CFAP36: variants seen among roughly 807,000 people sequenced by gnomAD.
The protein encoded by CFAP36 is cilia- and flagella-associated protein 36.
In CFAP36, 37 loss-of-function variants were observed where a neutral mutation model predicts 50.5. That is an observed-to-expected ratio of 0.73 (90% CI 0.56 to 0.96). The LOEUF (loss-of-function observed/expected upper bound fraction) is 0.96. Ranked by LOEUF, CFAP36 falls within the 50% of genes least tolerant of loss-of-function variation. The pLI is 0.00. For missense variants in CFAP36, 407 were observed against 396.2 expected (o/e 1.03, Z -0.23); for synonymous variants, 138 against 128.2 (o/e 1.08, Z -0.52).
chr2:55,544,067 C>A lies in CFAP36; in HGVS notation c.770C>A (p.Pro257Gln), dbSNP rs1326204507. 2 of 1,613,466 alleles carry A rather than the reference C, an allele frequency of 1.2e-6. No individual in the cohort carries two copies. The highest frequency in any genetic ancestry group is 8.5e-7 in the Non-Finnish European group (1 of 1,179,842). The change falls in exon 8 of 10, where the codon CCA becomes CAA. Residue 257 changes from proline to glutamine, a missense_variant. Pro to Gln is a moderately conservative substitution (Grantham distance 76). Coordinates refer to ENST00000349456, the MANE Select transcript of CFAP36 (RefSeq NM_080667.7). ...PGLEHASIEG[P>Q]IANLSVLGTE... ...TTAGAGCATGCGAGCATTGAAGGACCAATAGCAGTAAGTAAACGACATCAC... is the reference window on the plus strand; with the variant it reads ...TTAGAGCATGCGAGCATTGAAGGACAAATAGCAGTAAGTAAACGACATCAC...
At chr2:55,520,048 C>T in intron 1 of CFAP36, 132 bp downstream of exon 1, 2 of 744,994 alleles carry the variant, frequency 2.7e-6, no homozygotes, top group Non-Finnish European at 4.5e-6. Flanking sequence ...AGGTCTCGTT[C>T]CCCTCACCAC....
chr2:55,520,026 A>G (rs1331253687), intron 1 of CFAP36, 110 bp downstream of exon 1: 2 of 945,212 alleles, frequency 2.1e-6, no homozygotes, highest in Non-Finnish European at 3.2e-6. Context: ...CCCTGTCTCC[A>G]CCCCTGTCGC....
chr2:55,542,713 T>C (rs923118065), intron 7 of CFAP36, among the ~76,000 whole-genome samples: 6 of 152,322 alleles, frequency 3.9e-5, no homozygotes, highest in African/African-American at 1.4e-4. Context: ...TATGTATGGG[T>C]TCCCCCCTCC....
chr2:55,526,487 G>A (rs1250450923), intron 3 of CFAP36, among the ~76,000 whole-genome samples: 5 of 152,138 alleles, frequency 3.3e-5, no homozygotes, highest in Admixed American at 3.3e-4. Context: ...TGCCACCCTG[G>A]CTGGACTGCA....
Position 55,537,477 on chromosome 2 carries a change from C to T in CFAP36, c.538-6C>T. The T allele has an allele frequency of 1.3e-6, 2 of 1,590,482 alleles. No homozygotes were observed. The highest frequency in any genetic ancestry group is 1.8e-5 in the Admixed American group (1 of 56,404). On this transcript the variant is annotated splice_region_variant and splice_polypyrimidine_tract_variant and intron_variant, in intron 6 of 9. Coordinates refer to ENST00000349456, the MANE Select transcript of CFAP36 (RefSeq NM_080667.7). ...TTTTAAAAAATTGTATTATGGAATC[C>T]TGAAGTTATCAGAGGCTAAAACAGA...
intron 6 of CFAP36, chr2:55,535,981 T>C: frequency 1.1e-6 from 1 of 910,874 alleles, no homozygotes; most frequent in Non-Finnish European, 1.5e-6. Flanking sequence ...CTTAACTGTA[T>C]ATAGTACAAA....
At chr2:55,541,095 G>A (rs2103668002) in intron 7 of CFAP36, among the ~76,000 whole-genome samples, 1 of 152,298 alleles carries the variant, frequency 6.6e-6, no homozygotes, top group East Asian at 1.9e-4. Flanking sequence ...AGGCCGAGGT[G>A]GTGGATCACT....
Position 55,544,369 on chromosome 2 carries a change from G to C in CFAP36, c.927G>C (p.Glu309Asp). 1 of 1,607,840 alleles carries C rather than the reference G, an allele frequency of 6.2e-7. No individual in the cohort carries two copies. Among genetic ancestry groups the C allele is most frequent in the Non-Finnish European group, 8.5e-7 (1 of 1,178,180 alleles). The change falls in exon 9 of 10, where the codon GAG (glutamate) becomes GAC (aspartate). Residue 309 changes from glutamate (E) to aspartate (D), a missense_variant and splice_region_variant. Glu to Asp is a conservative substitution (Grantham distance 45). Transcript: ENST00000349456. ...EQKGKPTGEV[E>D]EMTEKPEMTA... Reference sequence around the variant, plus strand: ...AAGGAAAACCCACTGGGGAGGTAGAGGTATGGCTAGCCTTAATATGTCAAG... The same window carrying C: ...AAGGAAAACCCACTGGGGAGGTAGACGTATGGCTAGCCTTAATATGTCAAG...
chr2:55,525,895 G>GTAAATTGATATTTTTGTTACTCTGCCTT (rs1684196588), intron 3 of CFAP36, among the ~76,000 whole-genome samples: 1 of 152,144 alleles, frequency 6.6e-6, no homozygotes, highest in African/African-American at 2.4e-5. Flanking sequence ...CCAAAGTGCT[G>GTAAATTGATATTTTTGTTACTCTGCCTT]GGATTACAGG....
chr2:55,520,283 C>T (rs1362445363), intron 1 of CFAP36: 3 of 895,390 alleles, frequency 3.4e-6, no homozygotes, highest in African/African-American at 3.4e-5. Flanking sequence ...TGGGCTTCTT[C>T]AACAGCTTTG....
Position 55,544,039 on chromosome 2 carries a change from G to A in CFAP36, c.742G>A (p.Gly248Ser), listed in dbSNP as rs1228766380. ...CCCACAAAAAGACCTGAAGATTCCT[G>A]GCTTAGAGCATGCGAGCATTGAAGG... is the stretch of plus-strand genomic sequence containing the variant. ...SLPQKDLKIP[G>S]LEHASIEGPI... Residue 248 changes from glycine to serine, a missense_variant, in exon 8 of 10, where the codon GGC becomes AGC. Coordinates refer to ENST00000349456, the MANE Select transcript of CFAP36 (RefSeq NM_080667.7). The A allele has an allele frequency of 1.2e-6, 2 of 1,613,828 alleles. No individual in the cohort carries two copies. The highest frequency in any genetic ancestry group is 1.7e-6 in the Non-Finnish European group (2 of 1,179,936).
At chr2:55,524,900 G>C (rs1295452685) in intron 3 of CFAP36, among the ~76,000 whole-genome samples, 1 of 151,948 alleles carries the variant, frequency 6.6e-6, no homozygotes, top group Non-Finnish European at 1.5e-5. Context: ...AGAATCCCTT[G>C]AACCCGGGAG....
At chr2:55,527,735 T>C (rs552408664) in intron 3 of CFAP36, among the ~76,000 whole-genome samples, 1 of 152,184 alleles carries the variant, frequency 6.6e-6, no homozygotes, top group African/African-American at 2.4e-5. Flanking sequence ...TTATGGGCCA[T>C]AAAACATACC....
At chr2:55,520,940 G>A (rs1044141890) in intron 1 of CFAP36, among the ~76,000 whole-genome samples, 2 of 152,166 alleles carry the variant, frequency 1.3e-5, no homozygotes, top group Non-Finnish European at 2.9e-5. Flanking sequence ...TGTTTGAATG[G>A]ATCTGATAGC....
intron 1 of CFAP36, among the ~76,000 whole-genome samples, chr2:55,520,736 G>C (rs1306785219): frequency 1.3e-5 from 2 of 152,196 alleles, no homozygotes; most frequent in African/African-American, 4.8e-5. Context: ...AATCGGGCAA[G>C]ACTTTGAGGG....
chr2:55,526,321 G>A (rs1684205837), intron 3 of CFAP36, among the ~76,000 whole-genome samples: 2 of 152,178 alleles, frequency 1.3e-5, no homozygotes, highest in African/African-American at 2.4e-5. Context: ...AATTTAAATT[G>A]TCTTGTTATG....
At position 55,538,904 on chromosome 2, in the gene CFAP36, GAT is replaced by G. The variant is rs948895680; in HGVS notation, c.640+1320_640+1321del. On this transcript the variant is annotated intron_variant, in intron 7 of 9. Coordinates refer to ENST00000349456, the MANE Select transcript of CFAP36 (RefSeq NM_080667.7). ...GAACTTCTATAATTGAGATTAGTGT[GAT>G]GTTTACCCATTAATTTTTTAATGTA... 35 of 1,457,458 alleles carry G rather than the reference GAT, an allele frequency of 2.4e-5. No homozygotes were observed. In the African/African-American group the frequency reaches 4.8e-4, roughly 20 times the overall value. The allele number at this position is 1,457,458 out of a possible 1,614,324, so 90.3% of individuals were successfully genotyped here.
intron 5 of CFAP36, 123 bp downstream of exon 5, chr2:55,534,083 A>C (rs1574620877): frequency 6.0e-6 from 3 of 501,650 alleles, no homozygotes; most frequent in African/African-American, 3.9e-5. Flanking sequence ...AAACCATCAA[A>C]ATGATCTATC....
chr2:55,524,664 C>T (rs1297572504), intron 3 of CFAP36, among the ~76,000 whole-genome samples: 1 of 151,988 alleles, frequency 6.6e-6, no homozygotes, highest in Non-Finnish European at 1.5e-5. Context: ...TAAGAAACTG[C>T]TACTATATAA....
Sources: allele counts gnomAD v4.1 joint callset (sites outside exome capture counted in the v4.1 genomes callset), GRCh38; gene constraint gnomAD v4.1.1; transcripts MANE v1.5; gene names NCBI Gene and HGNC (gene_info 2026-07-23, HGNC 2026-07-21).